The following SLX4 variants were observed in gnomAD, a reference collection of about 807,000 sequenced individuals.
SLX4 encodes the protein structure-specific endonuclease subunit SLX4.
A neutral mutation model predicts 146.2 loss-of-function variants in SLX4; 112 were observed. The ratio of observed to expected loss-of-function variants is 0.77; its 90% CI spans 0.66 to 0.90. The LOEUF (loss-of-function observed/expected upper bound fraction) is 0.90, where lower values mean the gene tolerates loss of function less well. SLX4 is among the 40% of genes least tolerant of loss of function. SLX4 has a pLI of 0.00. For synonymous variants in SLX4, 1,061 were observed against 997.7 expected, an observed-to-expected ratio of 1.06 and a Z score of -1.20; for missense variants, 2,563 against 2,392.7, an observed-to-expected ratio of 1.07 and a Z score of -1.49.
In SLX4 at chr16:3,589,572, G is replaced by C. The variant is rs532756081; in HGVS notation, c.4066C>G (p.Pro1356Ala). 9 of 1,613,204 alleles carry C rather than the reference G, an allele frequency of 5.6e-6. No homozygotes were observed. The African/African-American group carries it at 9.3e-5, about 17-fold the overall frequency. ...CCTGAGATGGGATGTGGAGCCAGCG[G>C]AGAGGAGTGCGGGTGGCCCCCGGGG... ...PHPGGHPHSS[P>A]LAPHPISGDR... Residue 1356 changes from proline (P) to alanine (A), a missense_variant, in exon 12 of 15, where the codon CCG becomes GCG. Coordinates refer to ENST00000294008, the MANE Select transcript of SLX4 (RefSeq NM_032444.4). This position sits in a 1 kb window ranked among gnomAD's most constrained non-coding sequence, Gnocchi z 6.2.
At chr16:3,601,726 C>A (rs994937476) in intron 4 of SLX4, 1 of 319,492 alleles carries the variant, frequency 3.1e-6, no homozygotes, top group Non-Finnish European at 6.0e-6. Context: ...AAGGCAGACA[C>A]AAAAGGACAA....
intron 7 of SLX4, among the ~76,000 whole-genome samples, chr16:3,596,717 C>T (rs1043320340): frequency 3.9e-5 from 6 of 152,216 alleles, no homozygotes; most frequent in East Asian, 1.9e-4. Flanking sequence ...CAGGCAGCTG[C>T]GTACTGACTG....
At chr16:3,595,200 G>A (rs532873762) in intron 9 of SLX4, among the ~76,000 whole-genome samples, 4 of 152,324 alleles carry the variant, frequency 2.6e-5, no homozygotes, top group South Asian at 2.1e-4. Context: ...CCCAGGACCC[G>A]CACAGAGGGG....
At position 3,584,738 on chromosome 16, in the gene SLX4, C is replaced by A. The variant is rs750697497; in HGVS notation, c.4739+31G>T. ...GTTACTTATGGGAGGGAAAAGACCA[C>A]TGTGGGCAACAAGCTTTGAAGACCG... On this transcript the variant is annotated intron_variant, in intron 13 of 14. Transcript: ENST00000294008. 1.9e-6 allele frequency: 3 copies of A among 1,538,544 alleles called. No homozygotes were observed. The Admixed American group carries it at 5.0e-5, about 26-fold the overall frequency.
chr16:3,602,607 G>A (rs2040740385), intron 3 of SLX4, among the ~76,000 whole-genome samples: 1 of 152,160 alleles, frequency 6.6e-6, no homozygotes, highest in African/African-American at 2.4e-5. Flanking sequence ...CGCATTTCTA[G>A]CAGCCTCCAG....
At chr16:3,591,820 T>A (rs1277682713) in intron 11 of SLX4, among the ~76,000 whole-genome samples, 1 of 152,134 alleles carries the variant, frequency 6.6e-6, no homozygotes. Context: ...ATCATGCCAC[T>A]GCCATCCAGC....
intron 12 of SLX4, 72 bp downstream of exon 12, chr16:3,588,930 T>G: frequency 1.3e-5 from 21 of 1,594,824 alleles, no homozygotes; most frequent in Non-Finnish European, 1.7e-5. Flanking sequence ...GTCTCATGAC[T>G]GATCTTCCCA....
chr16:3,599,846 A>T (rs2040706951), intron 5 of SLX4, among the ~76,000 whole-genome samples: 3 of 152,162 alleles, frequency 2.0e-5, no homozygotes, highest in Admixed American at 6.5e-5. Context: ...CTGGCCTCCC[A>T]AAGTATTGAG....
rs1393446550 is a variant in SLX4 at position 3,601,223 on chromosome 16, C to T, written c.951-32G>A. On this transcript the variant is annotated intron_variant, in intron 4 of 14. Coordinates refer to ENST00000294008, the MANE Select transcript of SLX4 (RefSeq NM_032444.4). Reference sequence around the variant, plus strand: ...GAAAACAGTCAATACAGGAGAACCACCCTCCCCAGGAATGTGGATTGGAGC... The same window carrying T: ...GAAAACAGTCAATACAGGAGAACCATCCTCCCCAGGAATGTGGATTGGAGC... 3.1e-6 allele frequency: 5 copies of T among 1,610,058 alleles called. No individual in the cohort carries two copies. The South Asian group carries it at 5.5e-5, about 18-fold the overall frequency.
chr16:3,592,311 C>T (rs2040602559), intron 11 of SLX4, among the ~76,000 whole-genome samples: 1 of 152,260 alleles, frequency 6.6e-6, no homozygotes. Context: ...CCTAAGCATT[C>T]TCTCCATGCC....
intron 4 of SLX4, chr16:3,601,399 A>G (rs950296724): frequency 6.6e-6 from 4 of 607,956 alleles, no homozygotes; most frequent in Non-Finnish European, 1.2e-5. Flanking sequence ...AAAGAAAGCA[A>G]GGAAAGATTA....
At chr16:3,602,790 A>C (rs1198866474) in intron 3 of SLX4, among the ~76,000 whole-genome samples, 1 of 152,212 alleles carries the variant, frequency 6.6e-6, no homozygotes. Context: ...ACTGCCCATG[A>C]TAAAACCAGG....
intron 11 of SLX4, among the ~76,000 whole-genome samples, chr16:3,592,493 T>C (rs1427916653): frequency 2.6e-5 from 4 of 152,198 alleles, no homozygotes; most frequent in Non-Finnish European, 5.9e-5. Flanking sequence ...TTGGCACCCC[T>C]GCAAGGGTCT....
At chr16:3,600,647 C>T (rs1384606702) in intron 5 of SLX4, 1 of 284,532 alleles carries the variant, frequency 3.5e-6, no homozygotes, top group Non-Finnish European at 6.4e-6. Flanking sequence ...TCTGTCCAGG[C>T]TGGAGTGCAG....
Position 3,590,234 on chromosome 16 carries a change from C to T in SLX4, c.3404G>A (p.Ser1135Asn), listed in dbSNP as rs2151123650. 2 of 1,614,206 alleles carry T rather than the reference C, an allele frequency of 1.2e-6. No homozygotes were observed. Among genetic ancestry groups the T allele is most frequent in the South Asian group, 2.2e-5 (2 of 91,080 alleles). Residue 1135 changes from serine (S) to asparagine (N), a missense_variant, in exon 12 of 15, where the codon AGC becomes AAC. By Grantham distance (46) the Ser-to-Asn change is conservative. Coordinates refer to ENST00000294008, the MANE Select transcript of SLX4 (RefSeq NM_032444.4). The surrounding 1 kb of genome is among the most constrained non-coding windows in gnomAD (Gnocchi z 4.8). ...DLTQSNPDHS[S>N]SRSQKSSSKL... The stretch of plus-strand genomic sequence containing the variant: ...GGATGAAGATTTCTGAGATCTGGAG[C>T]TCGAATGGTCAGGATTTGACTGGGT...
At chr16:3,587,367 G>A (rs1320641352) in intron 12 of SLX4, among the ~76,000 whole-genome samples, 1 of 151,958 alleles carries the variant, frequency 6.6e-6, no homozygotes, top group Non-Finnish European at 1.5e-5. Flanking sequence ...GTGGTGCTGG[G>A]TGCCTGTAAT....
chr16:3,590,417 A>G lies in SLX4; in HGVS notation c.3221T>C (p.Leu1074Pro), dbSNP rs1484711769. 6.2e-7 allele frequency: 1 copy of G among 1,614,202 alleles called. No individual in the cohort carries two copies. Among genetic ancestry groups the G allele is most frequent in the Admixed American group, 1.7e-5 (1 of 60,028 alleles). The change falls in exon 12 of 15, where the codon CTG (leucine) becomes CCG (proline). Residue 1074 changes from leucine (L) to proline (P), a missense_variant. Physicochemically the swap from Leu to Pro is moderately conservative, Grantham distance 98 (BLOSUM62 -3). Transcript: ENST00000294008. The surrounding 1 kb of genome is among the most constrained non-coding windows in gnomAD (Gnocchi z 4.8). ...GTSQVGSPTL[L>P]SPAVPSKQKR... ...CTGCTTTGATGGCACAGCTGGAGACAGCAAGGTTGGGGAGCCCACCTGGGA... is the reference window on the plus strand; with the variant it reads ...CTGCTTTGATGGCACAGCTGGAGACGGCAAGGTTGGGGAGCCCACCTGGGA...
intron 11 of SLX4, 64 bp from the exon 12 acceptor site, chr16:3,591,374 T>G (rs1249309787): frequency 1.3e-6 from 2 of 1,597,052 alleles, no homozygotes; most frequent in East Asian, 2.2e-5. Context: ...GGTGCCCCGG[T>G]GGGGTGGCGG....
chr16:3,590,271 A>G lies in SLX4; in HGVS notation c.3367T>C (p.Ser1123Pro), dbSNP rs201582780. 150 of 1,613,972 alleles carry G rather than the reference A, an allele frequency of 9.3e-5. No homozygotes were observed. In the East Asian group the frequency reaches 3.3e-3, roughly 35 times the overall value. ...GVLMFPEKSP[S>P]IDLTQSNPDH... ...GGATTTGACTGGGTTAGGTCAATAG[A>G]CGGAGATTTTTCTGGGAACATCAGG... Residue 1123 changes from serine to proline, a missense_variant, in exon 12 of 15, where the codon TCT becomes CCT. Transcript: ENST00000294008. The surrounding 1 kb of genome is among the most constrained non-coding windows in gnomAD (Gnocchi z 4.8).
Sources: allele counts gnomAD v4.1 joint callset (sites outside exome capture counted in the v4.1 genomes callset), GRCh38; gene constraint gnomAD v4.1.1; non-coding constraint Gnocchi (gnomAD v3.1); transcripts MANE v1.5; gene names NCBI Gene and HGNC (gene_info 2026-07-23, HGNC 2026-07-21).